Variants in IGFLR1 observed in about 807,000 individuals in gnomAD.
IGFLR1 encodes the protein IGF like family receptor 1.
In IGFLR1, 17 loss-of-function variants were observed where a neutral mutation model predicts 23.4. That is an observed-to-expected ratio of 0.73 (90% CI 0.50 to 1.09). The LOEUF is 1.09. Among genes scored for constraint, IGFLR1 ranks in the 50% least tolerant of loss-of-function variants. IGFLR1 has a pLI of 0.00. For synonymous variants in IGFLR1, 265 were observed against 210.7 expected, an observed-to-expected ratio of 1.26 and a Z score of -2.23; for missense variants, 556 against 459.2, an observed-to-expected ratio of 1.21 and a Z score of -1.93.
At position 35,740,408 on chromosome 19, in the gene IGFLR1, C is replaced by G. The variant is rs1568390758; in HGVS notation, c.314G>C (p.Gly105Ala). 6 of 1,606,160 alleles carry G rather than the reference C, an allele frequency of 3.7e-6. No individual in the cohort carries two copies. In the Admixed American group the frequency reaches 8.6e-5, roughly 23 times the overall value. The change falls in exon 3 of 5, where the codon GGG becomes GCG. Residue 105 changes from glycine (G) to alanine (A), a missense_variant. Physicochemically the swap from Gly to Ala is moderately conservative, Grantham distance 60. Coordinates refer to ENST00000246532, the MANE Select transcript of IGFLR1 (RefSeq NM_024660.4). ...TCTGCAGCGCCACGGGGTTCTGCCC[C>G]CGCCCGCGGCGGGAGTAGGGGTCAC... ...GAVTPTPAAG[G>A]GRTPWRCRER...
Position 35,739,614 on chromosome 19 carries a change from A to G in IGFLR1, c.734T>C (p.Leu245Pro). ...LPLLSRELSS[L>P]ASQPLSRLLD... ...GAGGCGAGACAGGGGTTGTGACGCC[A>G]GACTGGACAGTTCTGGAAGAAAGGG... is the stretch of plus-strand genomic sequence containing the variant. Residue 245 changes from leucine (L) to proline (P), a missense_variant, in exon 5 of 5, where the codon CTG becomes CCG. Transcript: ENST00000246532. 1 of 1,611,818 alleles carries G rather than the reference A, an allele frequency of 6.2e-7. No individual in the cohort carries two copies. The highest frequency in any genetic ancestry group is 8.5e-7 in the Non-Finnish European group (1 of 1,178,296).
At position 35,739,639 on chromosome 19, in the gene IGFLR1, G is replaced by C. The variant is rs779694268; in HGVS notation, c.722-13C>G. 2 of 1,603,396 alleles carry C rather than the reference G, an allele frequency of 1.2e-6. No individual in the cohort carries two copies. Among genetic ancestry groups the C allele is most frequent in the Admixed American group, 3.4e-5 (2 of 59,598 alleles). On this transcript the variant is annotated splice_polypyrimidine_tract_variant and intron_variant, in intron 4 of 4. Coordinates refer to ENST00000246532, the MANE Select transcript of IGFLR1 (RefSeq NM_024660.4). ...AGACTGGACAGTTCTGGAAGAAAGGGGAAGGGTAAAGGTGCGGAAGAGCGG... is the reference window on the plus strand; with the variant it reads ...AGACTGGACAGTTCTGGAAGAAAGGCGAAGGGTAAAGGTGCGGAAGAGCGG...
At chr19:35,740,698 T>G (rs1970170097) in intron 2 of IGFLR1, 134 bp from the exon 3 acceptor site, 1 of 861,392 alleles carries the variant, frequency 1.2e-6, no homozygotes, top group East Asian at 2.8e-5. Flanking sequence ...GCCCCGGTCT[T>G]GTCACTTTTC....
chr19:35,741,320 G>T (rs1970221670), intron 1 of IGFLR1, 97 bp from the exon 2 acceptor site: 1 of 1,291,716 alleles, frequency 7.7e-7, no homozygotes, highest in Non-Finnish European at 1.1e-6. Context: ...CTACCCCCGA[G>T]CCCTCATCCC....
At position 35,739,024 on chromosome 19, in the gene IGFLR1, T is replaced by TA. The variant is rs1970033728; in HGVS notation, c.*255dup. The stretch of plus-strand genomic sequence containing the variant: ...ATTAGAAGTCAGTCATGGGGTCTGT[T>TA]ACGGCTTCAGAACAACACAACACAG... On this transcript the variant is annotated 3_prime_UTR_variant, in exon 5 of 5. Coordinates refer to ENST00000246532, the MANE Select transcript of IGFLR1 (RefSeq NM_024660.4). 5 of 535,806 alleles carry TA rather than the reference T, an allele frequency of 9.3e-6. No individual in the cohort carries two copies. The highest frequency in any genetic ancestry group is 1.9e-5 in the African/African-American group (1 of 52,724). The allele number at this position is 535,806 out of a possible 1,614,324, so 33.2% of individuals were successfully genotyped here. A position where few individuals can be genotyped will look rare whatever the true frequency, so the allele number is the denominator to read the frequency against.
intron 3 of IGFLR1, 122 bp downstream of exon 3, chr19:35,740,258 C>T: frequency 7.5e-7 from 1 of 1,334,460 alleles, no homozygotes; most frequent in Non-Finnish European, 9.9e-7. Flanking sequence ...CCTCCCGACC[C>T]CTGCAGGCCA....
Position 35,739,296 on chromosome 19 carries a change from C to G in IGFLR1, c.1052G>C (p.Gly351Ala). ...TATTGGGTGTTAAGCCCAGCAAACC[C>G]CAGATGAGCCAAGCTTGGACAGCAC... ...LRVLSKLGSSGVCWA is the reference protein window; with the variant it reads ...LRVLSKLGSSAVCWA Residue 351 changes from glycine to alanine, a missense_variant, in exon 5 of 5, where the codon GGG (glycine) becomes GCG (alanine). Transcript: ENST00000246532. 1.9e-6 allele frequency: 3 copies of G among 1,595,406 alleles called. No individual in the cohort carries two copies. Among genetic ancestry groups the G allele is most frequent in the East Asian group, 4.5e-5 (2 of 44,328 alleles).
chr19:35,739,612 C>T lies in IGFLR1; in HGVS notation c.736G>A (p.Ala246Thr). The T allele has an allele frequency of 6.2e-7, 1 of 1,611,616 alleles. No individual in the cohort carries two copies. The highest frequency in any genetic ancestry group is 8.5e-7 in the Non-Finnish European group (1 of 1,178,146). Residue 246 changes from alanine (A) to threonine (T), a missense_variant, in exon 5 of 5, where the codon GCG (alanine) becomes ACG (threonine). Transcript: ENST00000246532. ...PLLSRELSSL[A>T]SQPLSRLLDE... ...AGGAGGCGAGACAGGGGTTGTGACG[C>T]CAGACTGGACAGTTCTGGAAGAAAG... is the stretch of plus-strand genomic sequence containing the variant.
In IGFLR1 at chr19:35,741,105, A is replaced by G; in HGVS notation, c.76T>C (p.Cys26Arg). The part of the protein sequence containing the change: ...LAPPPEASQY[C>R]GRLEYWNPDN... ...GGGTTCCAGTATTCAAGGCGGCCGC[A>G]GTACTGGGAGGCTTCCGGCGGTGGC... The change falls in exon 2 of 5, where the codon TGC becomes CGC. Residue 26 changes from cysteine to arginine, a missense_variant. Cys to Arg is a radical substitution (Grantham distance 180). Coordinates refer to ENST00000246532, the MANE Select transcript of IGFLR1 (RefSeq NM_024660.4). 6.2e-7 allele frequency: 1 copy of G among 1,601,706 alleles called. No homozygotes were observed. Among genetic ancestry groups the G allele is most frequent in the Non-Finnish European group, 8.5e-7 (1 of 1,171,862 alleles).
In IGFLR1 at chr19:35,740,382, C is replaced by CTCTGCAGCGCCACGGGGT; in HGVS notation, c.322_339dup (p.Thr108_Arg113dup). On this transcript the variant is annotated inframe_insertion, in exon 3 of 5. Coordinates refer to ENST00000246532, the MANE Select transcript of IGFLR1 (RefSeq NM_024660.4). ...CCTGCCGGGAGTCCCATCTGCACCTCTCTGCAGCGCCACGGGGTTCTGCCC... is the reference window on the plus strand; with the variant it reads ...CCTGCCGGGAGTCCCATCTGCACCTCTCTGCAGCGCCACGGGGTTCTGCAGCGCCACGGGGTTCTGCCC... 1 of 1,591,430 alleles carries CTCTGCAGCGCCACGGGGT rather than the reference C, an allele frequency of 6.3e-7. No individual in the cohort carries two copies. The highest frequency in any genetic ancestry group is 1.4e-5 in the African/African-American group (1 of 74,054).
chr19:35,739,833 G>T lies in IGFLR1; in HGVS notation c.598C>A (p.Pro200Thr). Residue 200 changes from proline to threonine, a missense_variant, in exon 4 of 5, where the codon CCT becomes ACT. Coordinates refer to ENST00000246532, the MANE Select transcript of IGFLR1 (RefSeq NM_024660.4). ...PKEKADPYPY[P>T]GLVCGVPNTH... ...TTGGGGACTCCGCAGACCAAGCCAG[G>T]ATAGGGATAGGGGTCGGCTTTCTCC... is the stretch of plus-strand genomic sequence containing the variant. The T allele has an allele frequency of 6.2e-7, 1 of 1,609,408 alleles. No individual in the cohort carries two copies. Among genetic ancestry groups the T allele is most frequent in the Non-Finnish European group, 8.5e-7 (1 of 1,176,370 alleles).
At position 35,739,116 on chromosome 19, in the gene IGFLR1, C is replaced by G. The variant is rs1002970843; in HGVS notation, c.*164G>C. 1 of 697,278 alleles carries G rather than the reference C, an allele frequency of 1.4e-6. No homozygotes were observed. Among genetic ancestry groups the G allele is most frequent in the Admixed American group, 3.1e-5 (1 of 32,638 alleles). 43.2% of individuals were successfully genotyped at this position (697,278 alleles called of 1,614,324 possible). Reference sequence around the variant, plus strand: ...TGGCCCAGAGGCACCTGGGGTCAGCCCTCCCACATGTGGCCCTGTGTGTAT... The same window carrying G: ...TGGCCCAGAGGCACCTGGGGTCAGCGCTCCCACATGTGGCCCTGTGTGTAT... On this transcript the variant is annotated 3_prime_UTR_variant, in exon 5 of 5. Transcript: ENST00000246532.
At chr19:35,740,721 T>A in intron 2 of IGFLR1, 157 bp from the exon 3 acceptor site, 1 of 734,280 alleles carries the variant, frequency 1.4e-6, no homozygotes, top group Non-Finnish European at 2.2e-6. Context: ...CGGGCTCGCC[T>A]TTTCACCCCC....
In IGFLR1 at chr19:35,739,412, C is replaced by CA; in HGVS notation, c.935dup (p.Ile313AspfsTer2). On this transcript the variant is annotated frameshift_variant, in exon 5 of 5. Coordinates refer to ENST00000246532, the MANE Select transcript of IGFLR1 (RefSeq NM_024660.4). LOFTEE classifies it low-confidence loss of function (END_TRUNC). ...GCTCCCTTGCCACCACCATCTCAAT[C>CA]AGAGCCCGCAGCGGCGAGCGACTCG... 3 of 1,613,800 alleles carry CA rather than the reference C, an allele frequency of 1.9e-6. No individual in the cohort carries two copies. Among genetic ancestry groups the CA allele is most frequent in the Non-Finnish European group, 2.5e-6 (3 of 1,179,932 alleles).
At position 35,739,112 on chromosome 19, in the gene IGFLR1, C is replaced by T; in HGVS notation, c.*168G>A. On this transcript the variant is annotated 3_prime_UTR_variant, in exon 5 of 5. Transcript: ENST00000246532. ...CTGGTGGCCCAGAGGCACCTGGGGTCAGCCCTCCCACATGTGGCCCTGTGT... is the reference window on the plus strand; with the variant it reads ...CTGGTGGCCCAGAGGCACCTGGGGTTAGCCCTCCCACATGTGGCCCTGTGT... 1 of 676,928 alleles carries T rather than the reference C, an allele frequency of 1.5e-6. No homozygotes were observed. The highest frequency in any genetic ancestry group is 2.4e-6 in the Non-Finnish European group (1 of 410,936). The allele number at this position is 676,928 out of a possible 1,614,324, so 41.9% of individuals were successfully genotyped here. A position where few individuals can be genotyped will look rare whatever the true frequency, so the allele number is the denominator to read the frequency against.
chr19:35,739,042 C>A lies in IGFLR1; in HGVS notation c.*238G>T. On this transcript the variant is annotated 3_prime_UTR_variant, in exon 5 of 5. Coordinates refer to ENST00000246532, the MANE Select transcript of IGFLR1 (RefSeq NM_024660.4). ...GGTCTGTTACGGCTTCAGAACAACACAACACAGCAACTGTCTGTAGCAGGG... is the reference window on the plus strand; with the variant it reads ...GGTCTGTTACGGCTTCAGAACAACAAAACACAGCAACTGTCTGTAGCAGGG... 1.8e-6 allele frequency: 1 copy of A among 562,472 alleles called. No homozygotes were observed. The highest frequency in any genetic ancestry group is 3.1e-6 in the Non-Finnish European group (1 of 318,990). 34.8% of individuals were successfully genotyped at this position (562,472 alleles called of 1,614,324 possible). A position where few individuals can be genotyped will look rare whatever the true frequency, so the allele number is the denominator to read the frequency against.
chr19:35,742,405 C>A lies in IGFLR1; in HGVS notation c.-53G>T. On this transcript the variant is annotated 5_prime_UTR_variant, in exon 1 of 5. Coordinates refer to ENST00000246532, the MANE Select transcript of IGFLR1 (RefSeq NM_024660.4). ...CCCACCCTACCAGTACCGTTAGGGT[C>A]CTGGGTCCCAAGCTGGCCGTGCCAA... 5 of 1,532,654 alleles carry A rather than the reference C, an allele frequency of 3.3e-6. No homozygotes were observed. The highest frequency in any genetic ancestry group is 4.4e-6 in the Non-Finnish European group (5 of 1,145,020). The allele number at this position is 1,532,654 out of a possible 1,614,324, so 94.9% of individuals were successfully genotyped here.
intron 1 of IGFLR1, chr19:35,741,532 G>C: frequency 3.8e-6 from 1 of 260,022 alleles, no homozygotes; most frequent in South Asian, 3.3e-5. Context: ...TAGAAGTAAA[G>C]CAGGGGCTGG....
At position 35,741,230 on chromosome 19, in the gene IGFLR1, T is replaced by C; in HGVS notation, c.-43-7A>G. ...TCCAAACACAGCGCCTCTGCTACACTTTCCGGGGAAATCGGGCAGAAGAAA... is the reference window on the plus strand; with the variant it reads ...TCCAAACACAGCGCCTCTGCTACACCTTCCGGGGAAATCGGGCAGAAGAAA... On this transcript the variant is annotated splice_polypyrimidine_tract_variant and splice_region_variant and intron_variant, in intron 1 of 4. Transcript: ENST00000246532. The C allele has an allele frequency of 6.3e-7, 1 of 1,599,882 alleles. No individual in the cohort carries two copies. The highest frequency in any genetic ancestry group is 8.5e-7 in the Non-Finnish European group (1 of 1,176,212).
Sources: gnomAD v4.1 joint callset for allele counts on GRCh38, gnomAD v4.1.1 for gene constraint, MANE v1.5 for transcripts, NCBI Gene and HGNC (gene_info 2026-07-23, HGNC 2026-07-21) for gene names.